Variants in FAAH2 observed in about 807,000 individuals in gnomAD.
FAAH2 encodes fatty-acid amide hydrolase 2.
In FAAH2, 60 loss-of-function variants were observed where a neutral mutation model predicts 36.9. The observed-to-expected ratio is 1.63, with a 90% confidence interval of 1.32 to 2.02. The LOEUF (loss-of-function observed/expected upper bound fraction) is 2.02. FAAH2 is among the 30% of genes most tolerant of loss of function. The pLI, the probability that FAAH2 is intolerant of heterozygous loss-of-function variation, is 0.00. For missense variants in FAAH2, 689 were observed against 397.5 expected, an observed-to-expected ratio of 1.73 and a Z score of -6.23; for synonymous variants, 214 against 143.8, an observed-to-expected ratio of 1.49 and a Z score of -3.49.
chrX:57,315,798 A>T (rs770815273), intron 3 of FAAH2, among the ~76,000 whole-genome samples: 8 of 111,456 alleles, frequency 7.2e-5, no homozygotes, highest in African/African-American at 2.6e-4. Flanking sequence ...CACACAGGCA[A>T]TGTCACACTA....
At chrX:57,401,946 A>T (rs2147304766) in intron 7 of FAAH2, among the ~76,000 whole-genome samples, 1 of 111,502 alleles carries the variant, frequency 9.0e-6, no homozygotes, top group South Asian at 3.9e-4. Context: ...GTCACAACTT[A>T]GTGGCTGGGA....
chrX:57,327,480 T>G (rs2053251980), intron 3 of FAAH2, among the ~76,000 whole-genome samples: 1 of 109,749 alleles, frequency 9.1e-6, no homozygotes, highest in South Asian at 4.0e-4. Flanking sequence ...GGTACACCAA[T>G]CAGACATAGA....
At chrX:57,348,725 G>C (rs776018380) in intron 5 of FAAH2, among the ~76,000 whole-genome samples, 3 of 111,171 alleles carry the variant, frequency 2.7e-5, no homozygotes. Context: ...TGCTGCATGC[G>C]TCTTGAGCCA....
At chrX:57,175,122 C>T in the FAAH2 span, among the ~76,000 whole-genome samples, 1 of 111,550 alleles carries the variant, frequency 9.0e-6, no homozygotes, top group African/African-American at 3.3e-5. Context: ...TTTAGTCCTT[C>T]TTCATTGACT....
At chrX:57,153,991 C>A in the FAAH2 span, among the ~76,000 whole-genome samples, 2 of 111,984 alleles carry the variant, frequency 1.8e-5, no homozygotes, top group African/African-American at 6.5e-5. Context: ...CTGAGGAACT[C>A]CAATTATTCT....
chrX:57,401,400 A>C (rs760233395), intron 7 of FAAH2, among the ~76,000 whole-genome samples: 2 of 111,515 alleles, frequency 1.8e-5, no homozygotes, highest in Non-Finnish European at 3.8e-5. Flanking sequence ...AGGGATGCAG[A>C]AAAAGGCATC....
chrX:57,347,604 G>GTTTTTTTTTTTTTTTTTTTTTT (rs61323098), intron 5 of FAAH2, among the ~76,000 whole-genome samples: 1 of 77,900 alleles, frequency 1.3e-5, no homozygotes, highest in African/African-American at 6.5e-5. Context: ...GGGATGCTAA[G>GTTTTTTTTTTTTTTTTTTTTTT]TTTTTTTTTT....
the FAAH2 span, among the ~76,000 whole-genome samples, chrX:57,232,992 G>T: frequency 4.3e-3 from 480 of 112,398 alleles, 3 homozygotes; most frequent in African/African-American, 0.015. Flanking sequence ...GTAATTTTGT[G>T]TGTTATACTC....
chrX:57,144,944 A>ACACC, the FAAH2 span, among the ~76,000 whole-genome samples: 2 of 108,164 alleles, frequency 1.8e-5, no homozygotes, highest in East Asian at 2.9e-4. Flanking sequence ...ACACACACAC[A>ACACC]CCACAATTTC....
chrX:57,271,993 G>A, the FAAH2 span, among the ~76,000 whole-genome samples: 10 of 109,692 alleles, frequency 9.1e-5, no homozygotes. Flanking sequence ...ATGCAAGGAA[G>A]CTAAGAACCT....
intron 2 of FAAH2, among the ~76,000 whole-genome samples, chrX:57,296,986 C>G: frequency 9.1e-6 from 1 of 109,720 alleles, no homozygotes; most frequent in Non-Finnish European, 1.9e-5. Flanking sequence ...ATTGGTGTAC[C>G]TGAAAGTCAC....
At chrX:57,453,126 C>A (rs1306420720) in intron 10 of FAAH2, among the ~76,000 whole-genome samples, 1 of 111,710 alleles carries the variant, frequency 9.0e-6, no homozygotes, top group African/African-American at 3.3e-5. Context: ...TTCAACCCTG[C>A]CCAAGAGAGG....
At chrX:57,299,098 A>G (rs1159431120) in intron 2 of FAAH2, among the ~76,000 whole-genome samples, 1 of 111,722 alleles carries the variant, frequency 9.0e-6, no homozygotes, top group Non-Finnish European at 1.9e-5. Flanking sequence ...TCCCTAACTC[A>G]TTTTATGAGG....
chrX:57,268,149 G>A, the FAAH2 span, among the ~76,000 whole-genome samples: 76 of 111,743 alleles, frequency 6.8e-4, no homozygotes, highest in African/African-American at 2.3e-3. Context: ...GAATAGAGAC[G>A]AACATAACCA....
the FAAH2 span, among the ~76,000 whole-genome samples, chrX:57,191,134 A>G: frequency 9.0e-6 from 1 of 111,490 alleles, no homozygotes; most frequent in Non-Finnish European, 1.9e-5. Flanking sequence ...TTCTCTCCAC[A>G]TTCTCACCAG....
intron 2 of FAAH2, among the ~76,000 whole-genome samples, chrX:57,305,860 C>A (rs1282227821): frequency 8.9e-6 from 1 of 111,777 alleles, no homozygotes; most frequent in Non-Finnish European, 1.9e-5. Context: ...CATCTGATAT[C>A]TATCTTTCTG....
At chrX:57,487,622 G>T (rs757698415) in intron 10 of FAAH2, among the ~76,000 whole-genome samples, 10 of 112,183 alleles carry the variant, frequency 8.9e-5, no homozygotes, top group Non-Finnish European at 1.1e-4. Flanking sequence ...AAGGATAAGG[G>T]TTAATGAGCA....
chrX:57,363,713 G>A (rs759960605), intron 5 of FAAH2, among the ~76,000 whole-genome samples: 2 of 110,844 alleles, frequency 1.8e-5, no homozygotes, highest in Non-Finnish European at 3.8e-5. Context: ...TTCAATGATG[G>A]TTCTTATTAT....
chrX:57,428,943 C>A (rs5915016), intron 7 of FAAH2, among the ~76,000 whole-genome samples: 60,011 of 110,658 alleles, frequency 0.54, 14,386 homozygotes, highest in Non-Finnish European at 0.75. Flanking sequence ...AATAAACAGA[C>A]AACGTGCAGA....
Sources: gnomAD v4.1 joint callset for allele counts (sites outside exome capture counted in the v4.1 genomes callset) on GRCh38, gnomAD v4.1.1 for gene constraint, MANE v1.5 for transcripts, NCBI Gene and HGNC (gene_info 2026-07-23, HGNC 2026-07-21) for gene names.